Variants in ABCG1 observed in about 807,000 individuals in gnomAD.
The protein encoded by ABCG1 is ATP binding cassette subfamily G member 1, also known as ATP-binding cassette sub-family G member 1.
A neutral mutation model predicts 69.2 loss-of-function variants in ABCG1; 29 were observed. That is an observed-to-expected ratio of 0.42 (90% CI 0.31 to 0.57). ABCG1 has a LOEUF of 0.57. Ranked by LOEUF, ABCG1 falls within the 20% of genes least tolerant of loss-of-function variation. The pLI, the probability that ABCG1 is intolerant of heterozygous loss-of-function variation, is 0.15. For synonymous variants in ABCG1, 370 were observed against 374.8 expected (o/e 0.99, Z 0.15); for missense variants, 718 against 898.1 (o/e 0.80, Z 2.56).
At chr21:42,266,079 A>G (rs544827230) in intron 2 of ABCG1, among the ~76,000 whole-genome samples, 1 of 152,292 alleles carries the variant, frequency 6.6e-6, no homozygotes, top group South Asian at 2.1e-4. Flanking sequence ...ACGTGGGCGG[A>G]TCACGAGGTC....
rs758774810 is a variant in ABCG1, at chr21:42,273,336, C to T, written c.438C>T (p.Asn146=). The T allele has an allele frequency of 3.0e-5, 48 of 1,613,544 alleles. No homozygotes were observed. The South Asian group carries it at 3.8e-4, about 13-fold the overall frequency. ...GCATGAAGGGGGCCGTCCTCATCAACGGCCTGCCCCGGGACCTGCGCTGCT... is the reference window on the plus strand; with the variant it reads ...GCATGAAGGGGGCCGTCCTCATCAATGGCCTGCCCCGGGACCTGCGCTGCT... ...ETGMKGAVLI[N]GLPRDLRCFR... Residue 146 remains asparagine (N), a synonymous_variant, in exon 4 of 15, where the codon AAC becomes AAT. Coordinates refer to ENST00000398449, the MANE Select transcript of ABCG1 (RefSeq NM_016818.3). This position sits in a 1 kb window ranked among gnomAD's most constrained non-coding sequence, Gnocchi z 5.3.
intron 7 of ABCG1, among the ~76,000 whole-genome samples, chr21:42,285,659 C>A (rs377402738): frequency 5.9e-5 from 9 of 152,300 alleles, no homozygotes; most frequent in African/African-American, 1.9e-4. Flanking sequence ...ATAGTCAAAT[C>A]ATCCTGGCCG....
In ABCG1 at chr21:42,273,582, C is replaced by A; in HGVS notation, c.537+147C>A. ...CACAGGGCCAGCAACCTCCCTCTAG[C>A]GGAGTTCTAACACCAGACTCGCTGT... On this transcript the variant is annotated intron_variant, in intron 4 of 14. Coordinates refer to ENST00000398449, the MANE Select transcript of ABCG1 (RefSeq NM_016818.3). The surrounding 1 kb of genome is among the most constrained non-coding windows in gnomAD (Gnocchi z 5.3). 1.1e-6 allele frequency: 1 copy of A among 910,242 alleles called. No individual in the cohort carries two copies. The highest frequency in any genetic ancestry group is 1.6e-6 in the Non-Finnish European group (1 of 622,128). 56.4% of individuals were successfully genotyped at this position (910,242 alleles called of 1,614,324 possible).
upstream of ABCG1, among the ~76,000 whole-genome samples, chr21:42,211,922 A>T (rs2067593495): frequency 6.6e-6 from 1 of 151,940 alleles, no homozygotes; most frequent in African/African-American, 2.4e-5. Flanking sequence ...ACAAAACAAA[A>T]CAATAACAAA....
At chr21:42,256,341 T>C in intron 2 of ABCG1, 7 of 1,550,110 alleles carry the variant, frequency 4.5e-6, no homozygotes, top group Non-Finnish European at 6.1e-6. Flanking sequence ...CTGCTGGGGC[T>C]CCGGGACATG....
chr21:42,230,413 G>A lies in ABCG1; in HGVS notation c.286+4499G>A, dbSNP rs534239998. 6.0e-4 allele frequency among the ~76,000 whole-genome samples: 91 copies of A among 152,308 alleles called. 1 individual carries two copies. The highest frequency in any genetic ancestry group is 2.2e-3 in the African/African-American group (90 of 41,568). On this transcript the variant is annotated intron_variant, in intron 2 of 14. Coordinates refer to ENST00000398449, the MANE Select transcript of ABCG1 (RefSeq NM_016818.3). Reference sequence around the variant, plus strand: ...CTTGTGTTGATGGGACAAATGGCTCGGAACAATATCAGCTTTGGTGCTGTC... The same window carrying A: ...CTTGTGTTGATGGGACAAATGGCTCAGAACAATATCAGCTTTGGTGCTGTC...
chr21:42,248,831 G>T (rs370567509), intron 2 of ABCG1, among the ~76,000 whole-genome samples: 213 of 150,728 alleles, frequency 1.4e-3, no homozygotes, highest in African/African-American at 4.9e-3. Flanking sequence ...TTGAGCCAGG[G>T]AGATTGAGGT....
intron 2 of ABCG1, among the ~76,000 whole-genome samples, chr21:42,250,019 A>C (rs2068193913): frequency 6.7e-6 from 1 of 149,242 alleles, no homozygotes; most frequent in African/African-American, 2.5e-5. Context: ...AAAAAAAAAA[A>C]GTGAGAGGGG....
chr21:42,265,621 C>T (rs1232557567), intron 2 of ABCG1, among the ~76,000 whole-genome samples: 1 of 152,182 alleles, frequency 6.6e-6, no homozygotes, highest in Non-Finnish European at 1.5e-5. Flanking sequence ...GAGGGCACTT[C>T]CAGTGAGGAC....
At chr21:42,225,602 G>T in intron 1 of ABCG1, 69 bp from the exon 2 acceptor site, 1 of 1,573,658 alleles carries the variant, frequency 6.4e-7, no homozygotes, top group Non-Finnish European at 8.6e-7. Flanking sequence ...GCCTCATGGT[G>T]AATCTCTTCA....
intron 3 of ABCG1, among the ~76,000 whole-genome samples, chr21:42,272,539 T>C (rs1218435490): frequency 6.6e-6 from 1 of 152,230 alleles, no homozygotes; most frequent in Non-Finnish European, 1.5e-5. Flanking sequence ...TTATTCCCCA[T>C]AACGTCTAGG....
At chr21:42,214,058 C>A (rs2067614695), upstream of ABCG1, among the ~76,000 whole-genome samples, 1 of 152,206 alleles carries the variant, frequency 6.6e-6, no homozygotes, top group Admixed American at 6.5e-5. Flanking sequence ...TGTGAGAAGA[C>A]TGAATTCTGG....
At chr21:42,212,740 T>C (rs1033070335), upstream of ABCG1, among the ~76,000 whole-genome samples, 1 of 150,946 alleles carries the variant, frequency 6.6e-6, no homozygotes, top group Non-Finnish European at 1.5e-5. Context: ...GGACTCTTGC[T>C]GTGTTGCCAG....
rs141977388 is a variant in ABCG1, at chr21:42,291,244, C to T, written c.1494+52C>T. 120 of 1,440,656 alleles carry T rather than the reference C, an allele frequency of 8.3e-5. No individual in the cohort carries two copies. The East Asian group carries it at 1.2e-3, about 14-fold the overall frequency. 89.2% of individuals were successfully genotyped at this position (1,440,656 alleles called of 1,614,324 possible). A position where few individuals can be genotyped will look rare whatever the true frequency, so the allele number is the denominator to read the frequency against. On this transcript the variant is annotated intron_variant, in intron 12 of 14. Coordinates refer to ENST00000398449, the MANE Select transcript of ABCG1 (RefSeq NM_016818.3). This position sits in a 1 kb window ranked among gnomAD's most constrained non-coding sequence, Gnocchi z 6.4. ...AAACGGGGGCAAGAGTTCTCCTGTA[C>T]ACCCTTTATATCGAGTAAGAGGACC... is the stretch of plus-strand genomic sequence containing the variant.
chr21:42,240,582 C>G (rs1386473687), intron 2 of ABCG1, among the ~76,000 whole-genome samples: 1 of 152,230 alleles, frequency 6.6e-6, no homozygotes, highest in Non-Finnish European at 1.5e-5. Context: ...TCCCACGTAG[C>G]TGGGATTACA....
At position 42,276,966 on chromosome 21, in the gene ABCG1, C is replaced by T. The variant is rs1282416105; in HGVS notation, c.588+21C>T. The T allele has an allele frequency of 6.2e-7, 1 of 1,613,754 alleles. No homozygotes were observed. The highest frequency in any genetic ancestry group is 8.5e-7 in the Non-Finnish European group (1 of 1,179,804). ...AAATGGTAAGTGGGTTGTTTGGTGC[C>T]CACAAGTGGTCCAGAAAGTGCATGA... On this transcript the variant is annotated intron_variant, in intron 5 of 14. Coordinates refer to ENST00000398449, the MANE Select transcript of ABCG1 (RefSeq NM_016818.3). The surrounding 1 kb of genome is among the most constrained non-coding windows in gnomAD (Gnocchi z 5.3).
chr21:42,235,625 A>T (rs2067968286), intron 2 of ABCG1, among the ~76,000 whole-genome samples: 1 of 152,126 alleles, frequency 6.6e-6, no homozygotes, highest in African/African-American at 2.4e-5. Flanking sequence ...GGTAAATTTA[A>T]ATTTTTTTCT....
rs533583033 is a variant in ABCG1 at position 42,288,523 on chromosome 21, G to A, written c.1224+211G>A. Among the ~76,000 whole-genome samples, 3 of 152,248 alleles carry A rather than the reference G, an allele frequency of 2.0e-5. No individual in the cohort carries two copies. The highest frequency in any genetic ancestry group is 1.3e-4 in the Admixed American group (2 of 15,286). On this transcript the variant is annotated intron_variant, in intron 10 of 14. Coordinates refer to ENST00000398449, the MANE Select transcript of ABCG1 (RefSeq NM_016818.3). The surrounding 1 kb of genome is among the most constrained non-coding windows in gnomAD (Gnocchi z 4.8). ...AGGAGTTCAGACCAGCCTGGCCAAC[G>A]TGGGGAAACCCCATCTCTGCTAAAA...
At chr21:42,201,840 G>A (rs551325884) in intron 2 of ABCG1, 51 of 1,573,776 alleles carry the variant, frequency 3.2e-5, no homozygotes, top group East Asian at 2.6e-4. Flanking sequence ...GGTGTGGGCT[G>A]TGGGAGCTCC....
Sources: gnomAD v4.1 joint callset for allele counts (sites outside exome capture counted in the v4.1 genomes callset) on GRCh38, gnomAD v4.1.1 for gene constraint, Gnocchi (gnomAD v3.1) non-coding constraint, MANE v1.5 for transcripts, NCBI Gene and HGNC (gene_info 2026-07-23, HGNC 2026-07-21) for gene names.